Variants in FAM228B observed in about 807,000 individuals in gnomAD.
FAM228B encodes family with sequence similarity 228 member B.
FAM228B carries 38 observed loss-of-function variants against 42.6 expected under a neutral mutation model. That is an observed-to-expected ratio of 0.89 (90% CI 0.69 to 1.17). FAM228B has a LOEUF of 1.17. Among genes scored for constraint, FAM228B ranks in the 50% most tolerant of loss-of-function variants. The pLI is 0.00. For synonymous variants in FAM228B, 109 were observed against 122.3 expected (o/e 0.89, Z 0.72); for missense variants, 344 against 367.3 (o/e 0.94, Z 0.52).
chr2:24,139,329 C>T lies in FAM228B; in HGVS notation c.361-41C>T, dbSNP rs1357501057. The stretch of plus-strand genomic sequence containing the variant: ...CCTGATATGCTCAAAATTAACTGTG[C>T]ACCTCTTGTTCTTGTGTATCGTTTT... On this transcript the variant is annotated intron_variant, in intron 4 of 10. Coordinates refer to ENST00000615575, the MANE Select transcript of FAM228B (RefSeq NM_001145710.2). The T allele has an allele frequency of 9.1e-6, 11 of 1,203,710 alleles. No homozygotes were observed. The Admixed American group carries it at 1.7e-4, about 18-fold the overall frequency. 74.6% of individuals were successfully genotyped at this position (1,203,710 alleles called of 1,614,324 possible).
intron 5 of FAM228B, among the ~76,000 whole-genome samples, chr2:24,145,760 A>G (rs1255919266): frequency 7.1e-6 from 1 of 141,648 alleles, no homozygotes; most frequent in African/African-American, 2.7e-5. Context: ...AGTGGAGTGC[A>G]GTGTCGCAAG....
At chr2:24,112,282 C>T (rs1407819840) in intron 3 of FAM228B, among the ~76,000 whole-genome samples, 5 of 148,768 alleles carry the variant, frequency 3.4e-5, no homozygotes, top group Admixed American at 6.9e-5. Context: ...AAAACCATCA[C>T]CAGAAGCTTT....
intron 2 of FAM228B, among the ~76,000 whole-genome samples, chr2:24,091,527 A>T (rs74771270): frequency 5.9e-5 from 9 of 152,260 alleles, no homozygotes; most frequent in Non-Finnish European, 8.8e-5. Context: ...AGATAATGAG[A>T]TAATTTGTAA....
chr2:24,119,653 G>T (rs775430317), upstream of FAM228B: 3 of 1,613,188 alleles, frequency 1.9e-6, no homozygotes, highest in Non-Finnish European at 2.5e-6. Flanking sequence ...GATACAGATG[G>T]GTCTTCACGA....
Position 24,166,054 on chromosome 2 carries a change from A to AAAATATAT in FAM228B, c.933-1572_933-1571insAATATATA, listed in dbSNP as rs56146407. On this transcript the variant is annotated intron_variant, in intron 9 of 10. Transcript: ENST00000615575. ...CAGAACTCTGTCTAAAAAAAAAAAA[A>AAAATATAT]ATATATATATATATATATGTATGTA... 47 of 81,046 alleles carry AAAATATAT rather than the reference A, an allele frequency of 5.8e-4. 1 individual carries two copies. The highest frequency in any genetic ancestry group is 5.3e-3 in the East Asian group (12 of 2,272). The allele number at this position is 81,046 out of a possible 1,614,324, so 5.0% of individuals were successfully genotyped here.
intron 2 of FAM228B, among the ~76,000 whole-genome samples, chr2:24,087,626 G>A (rs1665290954): frequency 6.6e-6 from 1 of 151,710 alleles, no homozygotes; most frequent in Non-Finnish European, 1.5e-5. Flanking sequence ...TGTTGTTGTT[G>A]TTGAAACTGA....
chr2:24,153,005 C>A (rs1475853776), intron 7 of FAM228B, among the ~76,000 whole-genome samples: 3 of 152,176 alleles, frequency 2.0e-5, no homozygotes, highest in African/African-American at 7.2e-5. Flanking sequence ...TGCCAGGTCA[C>A]CACCGATGTT....
At chr2:24,145,859 T>C (rs1666882738) in intron 5 of FAM228B, among the ~76,000 whole-genome samples, 1 of 151,882 alleles carries the variant, frequency 6.6e-6, no homozygotes. Flanking sequence ...TGGCTAAATT[T>C]TTTGTATTTT....
intron 10 of FAM228B, 171 bp downstream of exon 10, chr2:24,167,854 G>C: frequency 1.4e-6 from 1 of 718,774 alleles, no homozygotes; most frequent in South Asian, 2.2e-5. Context: ...TCAGTGTAAG[G>C]CATTCTCTGG....
chr2:24,126,664 G>A (rs1050916527), intron 2 of FAM228B, among the ~76,000 whole-genome samples: 9 of 149,446 alleles, frequency 6.0e-5, no homozygotes, highest in Admixed American at 2.7e-4. Context: ...AGACTGGAAC[G>A]CAGTGGCGTG....
At chr2:24,107,181 CAG>C (rs757516251) in intron 3 of FAM228B, among the ~76,000 whole-genome samples, 2 of 152,022 alleles carry the variant, frequency 1.3e-5, no homozygotes, top group Non-Finnish European at 2.9e-5. Flanking sequence ...AAAAGATAAA[CAG>C]GGCATTATAT....
chr2:24,133,181 GT>G (rs561891655), intron 2 of FAM228B, among the ~76,000 whole-genome samples: 7 of 150,728 alleles, frequency 4.6e-5, no homozygotes, highest in African/African-American at 9.8e-5. Flanking sequence ...ATCTAGTGCT[GT>G]TTTTTTTTCT....
intron 2 of FAM228B, among the ~76,000 whole-genome samples, chr2:24,089,989 A>AC (rs1166506713): frequency 1.3e-5 from 2 of 149,674 alleles, no homozygotes; most frequent in East Asian, 2.0e-4. Flanking sequence ...AAAAAAAAAA[A>AC]AACGCCGGGC....
chr2:24,153,247 T>C (rs1410583163), intron 7 of FAM228B, among the ~76,000 whole-genome samples: 1 of 152,164 alleles, frequency 6.6e-6, no homozygotes, highest in African/African-American at 2.4e-5. Flanking sequence ...TTCCTCTGTT[T>C]TTCTCAAACA....
chr2:24,137,799 G>A (rs1017683027), intron 3 of FAM228B, 110 bp from the exon 4 acceptor site: 9 of 674,610 alleles, frequency 1.3e-5, no homozygotes, highest in Admixed American at 3.4e-5. Context: ...GAATGTCTCT[G>A]TGGGTTATTC....
chr2:24,089,014 G>A (rs2150990645), intron 2 of FAM228B, among the ~76,000 whole-genome samples: 1 of 152,234 alleles, frequency 6.6e-6, no homozygotes, highest in Non-Finnish European at 1.5e-5. Context: ...CCAGATATGG[G>A]GAAATAGATT....
rs201306834 is a variant in FAM228B at position 24,084,380 on chromosome 2, GCAGGA to G, written c.-210+3435_-210+3439del. 1.2e-5 allele frequency: 14 copies of G among 1,158,850 alleles called. No homozygotes were observed. Among genetic ancestry groups the G allele is most frequent in the East Asian group, 5.5e-5 (2 of 36,550 alleles). The allele number at this position is 1,158,850 out of a possible 1,614,324, so 71.8% of individuals were successfully genotyped here. On this transcript the variant is annotated intron_variant, in intron 2 of 10. Coordinates refer to the FAM228B transcript ENST00000613899. This position sits in a 1 kb window ranked among gnomAD's most constrained non-coding sequence, Gnocchi z 8.4. The stretch of plus-strand genomic sequence containing the variant: ...GCAGGACAGGACAGGGCAGGGCAGG[GCAGGA>G]CAGGACAGGGCAGGGCAGGACAGGA...
chr2:24,091,410 A>G (rs2150991733), intron 2 of FAM228B, among the ~76,000 whole-genome samples: 1 of 152,336 alleles, frequency 6.6e-6, no homozygotes, highest in African/African-American at 2.4e-5. Flanking sequence ...CAGCCTGGGC[A>G]ACAGAGTGAG....
intron 3 of FAM228B, among the ~76,000 whole-genome samples, chr2:24,098,674 T>TA (rs1181007294): frequency 6.6e-6 from 1 of 152,080 alleles, no homozygotes; most frequent in Non-Finnish European, 1.5e-5. Flanking sequence ...CAGGACCAGA[T>TA]AGATTCACAG....
Sources: allele counts gnomAD v4.1 joint callset (sites outside exome capture counted in the v4.1 genomes callset), GRCh38; gene constraint gnomAD v4.1.1; non-coding constraint Gnocchi (gnomAD v3.1); transcripts MANE v1.5; gene names NCBI Gene and HGNC (gene_info 2026-07-23, HGNC 2026-07-21).